The following HHAT variants were observed in gnomAD, a reference collection of about 807,000 sequenced individuals.
HHAT encodes protein-cysteine N-palmitoyltransferase HHAT.
In HHAT, 47 loss-of-function variants were observed where a neutral mutation model predicts 70.8. The ratio of observed to expected loss-of-function variants is 0.66; its 90% CI spans 0.53 to 0.85. The LOEUF (loss-of-function observed/expected upper bound fraction) is 0.85, where lower values mean the gene tolerates loss of function less well. Among genes scored for constraint, HHAT ranks in the 40% least tolerant of loss-of-function variants. The pLI, the probability that HHAT is intolerant of heterozygous loss-of-function variation, is 0.00. For missense variants in HHAT, 609 were observed against 604.8 expected (o/e 1.01, Z -0.07); for synonymous variants, 228 against 247.6 (o/e 0.92, Z 0.74).
Position 210,640,646 on chromosome 1 carries a change from C to T in HHAT, c.1390+16976C>T, listed in dbSNP as rs562070092. Among the ~76,000 whole-genome samples, 95 of 151,964 alleles carry T rather than the reference C, an allele frequency of 6.3e-4. No individual in the cohort carries two copies. In the Middle Eastern group the frequency reaches 0.01, roughly 16 times the overall value. On this transcript the variant is annotated intron_variant, in intron 11 of 11. Transcript: ENST00000261458. ...TGGAACTGTATTCAAAACATGCGTG[C>T]GTGTAACCCCCGCACTCCGCCCCCC...
chr1:210,545,076 G>A (rs963827361), intron 9 of HHAT, among the ~76,000 whole-genome samples: 4 of 150,786 alleles, frequency 2.7e-5, no homozygotes, highest in African/African-American at 9.8e-5. Flanking sequence ...AATGAGAATG[G>A]CTTTAAAAAA....
At chr1:210,610,904 G>T (rs140105010) in intron 10 of HHAT, among the ~76,000 whole-genome samples, 1 of 152,044 alleles carries the variant, frequency 6.6e-6, no homozygotes, top group African/African-American at 2.4e-5. Flanking sequence ...ACATAGTTTT[G>T]GTTATTGTAG....
At chr1:210,540,490 CGCACACACACATGCACACACACACAA>C (rs1558123007) in intron 9 of HHAT, among the ~76,000 whole-genome samples, 1 of 99,274 alleles carries the variant, frequency 1.0e-5, no homozygotes, top group Non-Finnish European at 2.8e-5. Flanking sequence ...TGCACACACA[CGCACACACACATGCACACACACACAA>C]ACACACGCTC....
chr1:210,335,168 A>G (rs187115196), intron 1 of HHAT, among the ~76,000 whole-genome samples: 88 of 152,336 alleles, frequency 5.8e-4, no homozygotes, highest in Non-Finnish European at 1.0e-3. Flanking sequence ...CTAGCAATCT[A>G]TAAAAAGGAT....
At chr1:210,433,528 A>G (rs771953706) in intron 7 of HHAT, among the ~76,000 whole-genome samples, 5 of 150,056 alleles carry the variant, frequency 3.3e-5, no homozygotes, top group African/African-American at 1.2e-4. Context: ...AAATATTCAC[A>G]TACTCCATGG....
chr1:210,420,264 G>C (rs972284369), intron 7 of HHAT, among the ~76,000 whole-genome samples: 1 of 138,698 alleles, frequency 7.2e-6, no homozygotes, highest in Non-Finnish European at 1.6e-5. Flanking sequence ...TCTGTGACTT[G>C]GTTTTCTTGT....
intron 9 of HHAT, among the ~76,000 whole-genome samples, chr1:210,540,612 G>A (rs937768971): frequency 2.7e-5 from 4 of 148,428 alleles, no homozygotes; most frequent in African/African-American, 9.9e-5. Context: ...CTATGTGTAT[G>A]TTTGCTTCAA....
At chr1:210,457,955 A>T (rs1200219812) in intron 7 of HHAT, among the ~76,000 whole-genome samples, 1 of 152,182 alleles carries the variant, frequency 6.6e-6, no homozygotes, top group African/African-American at 2.4e-5. Flanking sequence ...GTACAAAAAG[A>T]CCTGTAAGGT....
chr1:210,342,360 A>G (rs1396332221), intron 1 of HHAT, among the ~76,000 whole-genome samples: 2 of 152,150 alleles, frequency 1.3e-5, no homozygotes, highest in Non-Finnish European at 2.9e-5. Flanking sequence ...CCTTCCCTGA[A>G]CCATCCACAC....
At chr1:210,361,763 C>A (rs1041265302) in intron 2 of HHAT, among the ~76,000 whole-genome samples, 15 of 152,018 alleles carry the variant, frequency 9.9e-5, no homozygotes, top group African/African-American at 3.4e-4. Context: ...GAATCTCAGC[C>A]ATTCTGGTGG....
intron 10 of HHAT, among the ~76,000 whole-genome samples, chr1:210,601,374 G>A (rs1399222014): frequency 6.6e-6 from 1 of 152,070 alleles, no homozygotes; most frequent in Non-Finnish European, 1.5e-5. Flanking sequence ...AAGCCTCTGA[G>A]GGAGTATAAA....
intron 1 of HHAT, among the ~76,000 whole-genome samples, chr1:210,345,392 A>T (rs1450583451): frequency 6.6e-6 from 1 of 152,224 alleles, no homozygotes; most frequent in African/African-American, 2.4e-5. Flanking sequence ...GCCCACCCTA[A>T]TTGTAAATGT....
chr1:210,465,216 G>GT (rs1463492427), intron 8 of HHAT, among the ~76,000 whole-genome samples: 1 of 152,212 alleles, frequency 6.6e-6, no homozygotes, highest in Non-Finnish European at 1.5e-5. Context: ...TTTAACACTT[G>GT]TGTTATTCCT....
At chr1:210,599,544 A>C (rs1295311311) in intron 10 of HHAT, among the ~76,000 whole-genome samples, 1 of 152,160 alleles carries the variant, frequency 6.6e-6, no homozygotes, top group East Asian at 1.9e-4. Flanking sequence ...GGCTAAAGCC[A>C]TTATGTTATC....
chr1:210,356,238 G>A (rs4845006), intron 2 of HHAT, among the ~76,000 whole-genome samples: 42,207 of 151,958 alleles, frequency 0.28, 6,437 homozygotes, highest in South Asian at 0.34. Flanking sequence ...CTAATGAAAA[G>A]CAGCTACCCT....
intron 11 of HHAT, among the ~76,000 whole-genome samples, chr1:210,671,210 T>A (rs1005388030): frequency 2.6e-5 from 4 of 152,182 alleles, no homozygotes; most frequent in Non-Finnish European, 5.9e-5. Flanking sequence ...GCCTCTGGGC[T>A]CCATGTTTAC....
chr1:210,638,280 G>A (rs1218073788), intron 11 of HHAT, among the ~76,000 whole-genome samples: 1 of 152,138 alleles, frequency 6.6e-6, no homozygotes, highest in Non-Finnish European at 1.5e-5. Context: ...CCAAAAAGTA[G>A]AAACAATCCA....
intron 11 of HHAT, among the ~76,000 whole-genome samples, chr1:210,673,558 A>T (rs1680529779): frequency 6.7e-6 from 1 of 149,446 alleles, no homozygotes. Flanking sequence ...TCAATTACTA[A>T]CTGCTTTAGT....
At chr1:210,430,942 T>C (rs1428742465) in intron 7 of HHAT, among the ~76,000 whole-genome samples, 1 of 151,890 alleles carries the variant, frequency 6.6e-6, no homozygotes, top group African/African-American at 2.4e-5. Flanking sequence ...ATGATAAACA[T>C]ATTTATCTTA....
Sources: allele counts gnomAD v4.1 joint callset (sites outside exome capture counted in the v4.1 genomes callset), GRCh38; gene constraint gnomAD v4.1.1; transcripts MANE v1.5; gene names NCBI Gene and HGNC (gene_info 2026-07-23, HGNC 2026-07-21).